The following GABBR2 variants were observed in gnomAD, a reference collection of about 807,000 sequenced individuals.
GABBR2 encodes gamma-aminobutyric acid type B receptor subunit 2.
In GABBR2, 23 loss-of-function variants were observed where a neutral mutation model predicts 105.6. That is an observed-to-expected ratio of 0.22 (90% CI 0.16 to 0.31). The LOEUF (loss-of-function observed/expected upper bound fraction) is 0.31, where lower values mean the gene tolerates loss of function less well. Ranked by LOEUF, GABBR2 falls within the 10% of genes least tolerant of loss-of-function variation. The pLI is 1.00. For missense variants in GABBR2, 734 were observed against 1,245.5 expected (o/e 0.59, Z 6.18); for synonymous variants, 478 against 499.7 (o/e 0.96, Z 0.58).
At chr9:98,386,131 A>G (rs1192175854) in intron 10 of GABBR2, among the ~76,000 whole-genome samples, 1 of 151,498 alleles carries the variant, frequency 6.6e-6, no homozygotes, top group African/African-American at 2.4e-5. Context: ...AAGTTCACCT[A>G]TTACTTCCCA....
chr9:98,300,563 A>G (rs191041593), intron 16 of GABBR2, among the ~76,000 whole-genome samples: 16 of 152,288 alleles, frequency 1.1e-4, no homozygotes, highest in African/African-American at 3.6e-4. Flanking sequence ...GGTGTTGAAC[A>G]TCTGTGATAT....
chr9:98,508,469 G>A (rs1331787990), intron 3 of GABBR2, among the ~76,000 whole-genome samples: 4 of 152,364 alleles, frequency 2.6e-5, no homozygotes, highest in East Asian at 3.9e-4. Context: ...GCAAGGCATC[G>A]CCTCACCAGG....
intron 13 of GABBR2, among the ~76,000 whole-genome samples, chr9:98,335,906 T>C (rs4631577): frequency 0.44 from 66,904 of 151,996 alleles, 14,861 homozygotes; most frequent in African/African-American, 0.47. Flanking sequence ...CCAACATATA[T>C]TGAGCTGTGT....
intron 1 of GABBR2, among the ~76,000 whole-genome samples, chr9:98,622,251 A>G (rs1207389232): frequency 1.3e-5 from 2 of 151,974 alleles, no homozygotes; most frequent in Non-Finnish European, 2.9e-5. Flanking sequence ...TGCAGTCTCA[A>G]CCTCCCAGGC....
At chr9:98,706,095 CAAAACAAAA>C (rs1189054443) in intron 1 of GABBR2, among the ~76,000 whole-genome samples, 24 of 75,526 alleles carry the variant, frequency 3.2e-4, no homozygotes, top group African/African-American at 1.1e-3. Flanking sequence ...AAAAACAAAA[CAAAACAAAA>C]AAAACAAAAA....
intron 4 of GABBR2, among the ~76,000 whole-genome samples, chr9:98,481,791 T>C (rs191822304): frequency 6.6e-5 from 10 of 152,310 alleles, no homozygotes; most frequent in Admixed American, 5.2e-4. Context: ...CTAAGGAAAA[T>C]CTATTTTTGA....
intron 13 of GABBR2, among the ~76,000 whole-genome samples, chr9:98,321,452 C>T (rs1830821055): frequency 6.6e-6 from 1 of 152,214 alleles, no homozygotes; most frequent in South Asian, 2.1e-4. Flanking sequence ...CCCAACCTGG[C>T]AGAAGTCATC....
intron 7 of GABBR2, among the ~76,000 whole-genome samples, chr9:98,433,544 A>G (rs943667239): frequency 6.6e-6 from 1 of 152,160 alleles, no homozygotes; most frequent in African/African-American, 2.4e-5. Context: ...TTTTTTCTAC[A>G]TATTCAAGAT....
intron 1 of GABBR2, among the ~76,000 whole-genome samples, chr9:98,693,539 G>A (rs1280595534): frequency 1.3e-5 from 2 of 152,212 alleles, no homozygotes; most frequent in Non-Finnish European, 2.9e-5. Context: ...GAGGCTGGGA[G>A]TCACTCTCAT....
At chr9:98,580,736 C>T (rs537741875) in intron 1 of GABBR2, among the ~76,000 whole-genome samples, 5 of 152,232 alleles carry the variant, frequency 3.3e-5, no homozygotes, top group South Asian at 2.1e-4. Flanking sequence ...TGCAGTGAGC[C>T]GAGATCGCGC....
chr9:98,579,611 A>G (rs1177531), intron 1 of GABBR2, among the ~76,000 whole-genome samples: 116,631 of 152,166 alleles, frequency 0.77, 45,920 homozygotes, highest in African/African-American at 0.95. Context: ...TATAACTCTC[A>G]AAAGGTTAAA....
intron 1 of GABBR2, among the ~76,000 whole-genome samples, chr9:98,578,602 C>G (rs1828954236): frequency 6.6e-6 from 1 of 152,128 alleles, no homozygotes; most frequent in Non-Finnish European, 1.5e-5. Context: ...GCAATTCCAC[C>G]TCTAGACGTA....
In GABBR2 at chr9:98,388,556, C is replaced by A. The variant is rs148799060; in HGVS notation, c.1529+298G>T. 1.2e-3 allele frequency among the ~76,000 whole-genome samples: 184 copies of A among 151,594 alleles called. No homozygotes were observed. Among genetic ancestry groups the A allele is most frequent in the African/African-American group, 4.2e-3 (174 of 41,324 alleles). On this transcript the variant is annotated intron_variant, in intron 10 of 18. Transcript: ENST00000259455. This position sits in a 1 kb window ranked among gnomAD's most constrained non-coding sequence, Gnocchi z 4.4. Reference sequence around the variant, plus strand: ...AGAAGGCCCGTGGACTTGGACTCTTCGATTTTATTTAACTTCCTCAAACTT... The same window carrying A: ...AGAAGGCCCGTGGACTTGGACTCTTAGATTTTATTTAACTTCCTCAAACTT...
rs78432369 is a variant in GABBR2, at chr9:98,616,107, G to T, written c.322-38035C>A. Among the ~76,000 whole-genome samples the T allele has an allele frequency of 7.6e-4, 116 of 152,320 alleles. 1 individual carries two copies. The East Asian group carries it at 0.016, about 20-fold the overall frequency. ...AGATTCAGAGAGGTTAAATGACTTAGCAAATCCAAACAACGGTTAAGAATT... is the reference window on the plus strand; with the variant it reads ...AGATTCAGAGAGGTTAAATGACTTATCAAATCCAAACAACGGTTAAGAATT... On this transcript the variant is annotated intron_variant, in intron 1 of 18. Transcript: ENST00000259455.
chr9:98,550,147 A>G (rs1384776646), intron 2 of GABBR2, among the ~76,000 whole-genome samples: 1 of 152,184 alleles, frequency 6.6e-6, no homozygotes, highest in Non-Finnish European at 1.5e-5. Flanking sequence ...CCTTTTATCT[A>G]TGCCAAGTCT....
At chr9:98,430,989 T>C (rs190898780) in intron 7 of GABBR2, among the ~76,000 whole-genome samples, 76 of 151,952 alleles carry the variant, frequency 5.0e-4, no homozygotes, top group Non-Finnish European at 1.0e-3. Context: ...CTGGTCCCTA[T>C]TACTCCTCCA....
At chr9:98,330,649 T>C (rs1470447123) in intron 13 of GABBR2, among the ~76,000 whole-genome samples, 1 of 152,228 alleles carries the variant, frequency 6.6e-6, no homozygotes, top group African/African-American at 2.4e-5. Context: ...CTTGCTCTTC[T>C]CCAAGAGCAT....
At chr9:98,384,822 A>ACTCTTTTTTACTCTTTT (rs1282963478) in intron 11 of GABBR2, among the ~76,000 whole-genome samples, 151 of 152,328 alleles carry the variant, frequency 9.9e-4, no homozygotes, top group African/African-American at 3.2e-3. Context: ...TATAAACCAT[A>ACTCTTTTTTACTCTTTT]GATATATATA....
intron 1 of GABBR2, among the ~76,000 whole-genome samples, chr9:98,689,792 G>C (rs1377612806): frequency 6.6e-6 from 1 of 152,118 alleles, no homozygotes; most frequent in Non-Finnish European, 1.5e-5. Context: ...TTTTAAATTG[G>C]TTTCTTATAC....
Sources: gnomAD v4.1 joint callset for allele counts (sites outside exome capture counted in the v4.1 genomes callset) on GRCh38, gnomAD v4.1.1 for gene constraint, Gnocchi (gnomAD v3.1) non-coding constraint, MANE v1.5 for transcripts, NCBI Gene and HGNC (gene_info 2026-07-23, HGNC 2026-07-21) for gene names.